The following PRSS23 variants were observed in gnomAD, a reference collection of about 807,000 sequenced individuals.
PRSS23 encodes serine protease 23, also known as protease, serine 23.
Under a neutral mutation model 34.7 loss-of-function variants are expected in PRSS23, and 25 were observed. The observed-to-expected ratio is 0.72, with a 90% CI of 0.53 to 1.01. PRSS23 has a LOEUF of 1.01. PRSS23 is among the 50% of genes least tolerant of loss of function. The pLI is 0.00. For synonymous variants in PRSS23, 176 were observed against 186.6 expected (o/e 0.94, Z 0.46); for missense variants, 445 against 475.6 (o/e 0.94, Z 0.60).
intron 2 of PRSS23, among the ~76,000 whole-genome samples, chr11:86,901,569 T>A (rs1948912404): frequency 6.6e-6 from 1 of 152,156 alleles, no homozygotes; most frequent in South Asian, 2.1e-4. Flanking sequence ...TAAAAAGTTA[T>A]AAAGGACTTT....
intron 1 of PRSS23, among the ~76,000 whole-genome samples, chr11:86,819,617 A>T (rs1247208901): frequency 6.6e-6 from 1 of 152,178 alleles, no homozygotes. Flanking sequence ...CACTGTTCAA[A>T]GCCAAAAAGA....
chr11:86,864,432 G>A (rs932891689), intron 2 of PRSS23, among the ~76,000 whole-genome samples: 1 of 152,214 alleles, frequency 6.6e-6, no homozygotes, highest in Non-Finnish European at 1.5e-5. Flanking sequence ...ACAGAGGAAG[G>A]ACCACGTAGT....
At chr11:86,908,515 T>G (rs1948957898) in intron 2 of PRSS23, among the ~76,000 whole-genome samples, 1 of 152,300 alleles carries the variant, frequency 6.6e-6, no homozygotes, top group East Asian at 1.9e-4. Context: ...CCCAGAAACC[T>G]GCTGCTTCCT....
intron 2 of PRSS23, among the ~76,000 whole-genome samples, chr11:86,826,720 C>G (rs1948304098): frequency 6.6e-6 from 1 of 152,140 alleles, no homozygotes; most frequent in Non-Finnish European, 1.5e-5. Flanking sequence ...TGAATTTTGT[C>G]AAAGGCCTTT....
chr11:86,808,774 C>T lies in PRSS23; in HGVS notation c.1131C>T (p.Tyr377=), dbSNP rs760678629. 3 of 1,610,818 alleles carry T rather than the reference C, an allele frequency of 1.9e-6. No individual in the cohort carries two copies. The highest frequency in any genetic ancestry group is 2.5e-6 in the Non-Finnish European group (3 of 1,177,850). ...TTTGCTATTGGATTAAAGGAAACTACCTGGATTGTAGGGAGGGGTGACACA... is the reference window on the plus strand; with the variant it reads ...TTTGCTATTGGATTAAAGGAAACTATCTGGATTGTAGGGAGGGGTGACACA... ...AQICYWIKGN[Y]LDCREG is the part of the protein sequence containing the mutation. Residue 377 remains tyrosine (Y), a synonymous_variant, in exon 2 of 2, where the codon TAC becomes TAT. Coordinates refer to ENST00000280258, the MANE Select transcript of PRSS23 (RefSeq NM_007173.6).
At chr11:86,828,357 C>T (rs1948321100) in intron 2 of PRSS23, among the ~76,000 whole-genome samples, 1 of 152,194 alleles carries the variant, frequency 6.6e-6, no homozygotes, top group African/African-American at 2.4e-5. Context: ...GTAGATCTTC[C>T]TCCATCCTTT....
chr11:86,799,237 C>T (rs1948002880), upstream of PRSS23, among the ~76,000 whole-genome samples: 1 of 152,074 alleles, frequency 6.6e-6, no homozygotes, highest in African/African-American at 2.4e-5. Flanking sequence ...AGAGGGAGTA[C>T]TTGTCTTGAA....
intron 2 of PRSS23, among the ~76,000 whole-genome samples, chr11:86,862,796 C>G (rs1034909036): frequency 1.3e-5 from 2 of 151,958 alleles, no homozygotes; most frequent in Admixed American, 6.6e-5. Flanking sequence ...TGTGTACACT[C>G]CATGATATTA....
At chr11:86,813,385 T>C (rs4485132), downstream of PRSS23, among the ~76,000 whole-genome samples, 33,639 of 152,172 alleles carry the variant, frequency 0.22, 4,033 homozygotes, top group East Asian at 0.42. Flanking sequence ...AAATTTGTTC[T>C]GTTTAAGAGA....
upstream of PRSS23, among the ~76,000 whole-genome samples, chr11:86,796,353 A>T (rs2135589562): frequency 6.6e-6 from 1 of 152,338 alleles, no homozygotes; most frequent in Non-Finnish European, 1.5e-5. Context: ...CTTAAAGATT[A>T]CACATAGGCC....
At chr11:86,919,096 G>A (rs535839845) in intron 2 of PRSS23, among the ~76,000 whole-genome samples, 9 of 152,232 alleles carry the variant, frequency 5.9e-5, no homozygotes, top group East Asian at 1.9e-4. Context: ...CCTGGTGCAC[G>A]GGTCACTGTT....
chr11:86,885,020 G>C (rs1948793353), intron 2 of PRSS23, among the ~76,000 whole-genome samples: 1 of 152,102 alleles, frequency 6.6e-6, no homozygotes, highest in African/African-American at 2.4e-5. Context: ...ATTATATTGT[G>C]CTCATTGGAA....
At chr11:86,839,260 CG>C (rs1948430000) in intron 2 of PRSS23, among the ~76,000 whole-genome samples, 1 of 152,108 alleles carries the variant, frequency 6.6e-6, no homozygotes, top group African/African-American at 2.4e-5. Context: ...AAAGGTTAGA[CG>C]AGTGGCTAAC....
chr11:86,946,419 A>G (rs1326060439), intron 2 of PRSS23: 1 of 152,236 alleles, frequency 6.6e-6, no homozygotes, highest in Non-Finnish European at 1.5e-5. Context: ...GCCTGGGGAA[A>G]TTCTGGGAAT....
intron 2 of PRSS23, among the ~76,000 whole-genome samples, chr11:86,882,204 T>C (rs1393473861): frequency 6.6e-6 from 1 of 152,236 alleles, no homozygotes; most frequent in African/African-American, 2.4e-5. Flanking sequence ...TAATTTGAGG[T>C]CTTTTTTAAC....
rs759211275 is a variant in PRSS23, at chr11:86,948,992, T to G, written c.207-2224T>G. 6.6e-6 allele frequency: 1 copy of G among 152,612 alleles called. No individual in the cohort carries two copies. The highest frequency in any genetic ancestry group is 1.5e-5 in the Non-Finnish European group (1 of 68,050). 9.5% of individuals were successfully genotyped at this position (152,612 alleles called of 1,614,324 possible). On this transcript the variant is annotated intron_variant, in intron 2 of 2. Coordinates refer to the PRSS23 transcript ENST00000533902. ...CAGGGCCGTGGACAGTTATGGGAAC[T>G]GTCTACAAGCAGCACAGGGAGTTCA...
At chr11:86,906,415 G>A (rs1000414757) in intron 2 of PRSS23, among the ~76,000 whole-genome samples, 1 of 152,162 alleles carries the variant, frequency 6.6e-6, no homozygotes, top group Non-Finnish European at 1.5e-5. Flanking sequence ...ACTCGCTTTC[G>A]CCCAGCTGCC....
At chr11:86,833,344 A>G in intron 2 of PRSS23, 1 of 949,332 alleles carries the variant, frequency 1.1e-6, no homozygotes. Flanking sequence ...ATTCTCCAGC[A>G]CCATGACTAG....
At chr11:86,804,521 T>A (rs920529020) in intron 1 of PRSS23, among the ~76,000 whole-genome samples, 1 of 152,238 alleles carries the variant, frequency 6.6e-6, no homozygotes, top group Admixed American at 6.5e-5. Flanking sequence ...AAATTAGGAC[T>A]TATTAAGTCT....
Sources: allele counts gnomAD v4.1 joint callset (sites outside exome capture counted in the v4.1 genomes callset), GRCh38; gene constraint gnomAD v4.1.1; transcripts MANE v1.5; gene names NCBI Gene and HGNC (gene_info 2026-07-23, HGNC 2026-07-21).